Variants in INAFM1 observed in about 807,000 individuals in gnomAD.
The protein encoded by INAFM1 is InaF motif containing 1.
A neutral mutation model predicts 9.4 loss-of-function variants in INAFM1; 11 were observed. The ratio of observed to expected loss-of-function variants is 1.17; its 90% CI spans 0.74 to 1.94. The LOEUF is 1.94. Ranked by LOEUF, INAFM1 falls within the 30% of genes most tolerant of loss-of-function variation. INAFM1 has a pLI of 0.00. For missense variants in INAFM1, 318 were observed against 221.6 expected (o/e 1.44, Z -2.76); for synonymous variants, 161 against 109.5 (o/e 1.47, Z -2.94).
chr19:47,274,821 G>C, upstream of INAFM1: 1 of 854,290 alleles, frequency 1.2e-6, no homozygotes, highest in Non-Finnish European at 1.5e-6. Context: ...GGCCGGAGGC[G>C]GGCGGTTTAG....
At chr19:47,274,436 G>A (rs2059143368), upstream of INAFM1, 2 of 152,894 alleles carry the variant, frequency 1.3e-5, no homozygotes, top group African/African-American at 4.8e-5. Flanking sequence ...TCCGGAACTA[G>A]AGTGTGGGAG....
chr19:47,274,891 T>G lies in INAFM1; in HGVS notation c.-29T>G, dbSNP rs1297539303. On this transcript the variant is annotated 5_prime_UTR_variant, in exon 1 of 1. Coordinates refer to ENST00000552360, the MANE Select transcript of INAFM1 (RefSeq NM_178511.6). ...TGGTGGGGGCGGGGCCTGTGCGGTC[T>G]GCGGCGCGGAGCCGAGTGGGCTGCG... is the stretch of plus-strand genomic sequence containing the variant. The G allele has an allele frequency of 8.3e-7, 1 of 1,205,170 alleles. No individual in the cohort carries two copies. 74.7% of individuals were successfully genotyped at this position (1,205,170 alleles called of 1,614,324 possible).
Position 47,275,264 on chromosome 19 carries a change from C to G in INAFM1, c.345C>G (p.Arg115=). The change falls in exon 1 of 1, where the codon CGC becomes CGG. Residue 115 remains arginine, a synonymous_variant. Coordinates refer to ENST00000552360, the MANE Select transcript of INAFM1 (RefSeq NM_178511.6). ...TCCAGCTGCCGCTGAGCCGCCGCCG[C>G]CGCTACAGCGACCCTGACCGCCGTC... is the stretch of plus-strand genomic sequence containing the variant. ...PQLQLPLSRR[R]RYSDPDRRPS... is the part of the protein sequence containing the mutation. The G allele has an allele frequency of 6.5e-7, 1 of 1,542,546 alleles. No individual in the cohort carries two copies. The highest frequency in any genetic ancestry group is 1.9e-4 in the Middle Eastern group (1 of 5,136).
rs1182643063 is a variant in INAFM1, at chr19:47,275,139, C to T, written c.220C>T (p.Pro74Ser). ...CGGCCCACAGCCCAGCGCGCCGTCC[C>T]CTCCGTGTGCTGCCCGCCCGGGCGT... ...PAGPQPSAPS[P>S]PCAARPGVPP... is the part of the protein sequence containing the mutation. The change falls in exon 1 of 1, where the codon CCT (proline) becomes TCT (serine). Residue 74 changes from proline (P) to serine (S), a missense_variant. Pro to Ser is a moderately conservative substitution (Grantham distance 74, BLOSUM62 -1). Transcript: ENST00000552360. The T allele has an allele frequency of 3.4e-6, 5 of 1,488,708 alleles. No individual in the cohort carries two copies. The highest frequency in any genetic ancestry group is 2.5e-5 in the South Asian group (2 of 78,694). 92.2% of individuals were successfully genotyped at this position (1,488,708 alleles called of 1,614,324 possible).
rs569658456 is a variant in INAFM1, at chr19:47,275,632, C to A, written c.*284C>A. The A allele has an allele frequency of 4.2e-5, 20 of 477,942 alleles. No homozygotes were observed. The highest frequency in any genetic ancestry group is 3.9e-4 in the African/African-American group (19 of 48,558). 29.6% of individuals were successfully genotyped at this position (477,942 alleles called of 1,614,324 possible). A position where few individuals can be genotyped will look rare whatever the true frequency, so the allele number is the denominator to read the frequency against. On this transcript the variant is annotated 3_prime_UTR_variant, in exon 1 of 1. Transcript: ENST00000552360. ...GGGATGCTGAGCACAGAGCCCACAG[C>A]CCATCTGCCTCTTCACCTCCCTGAA... is the stretch of plus-strand genomic sequence containing the variant.
At position 47,275,385 on chromosome 19, in the gene INAFM1, G is replaced by A. The variant is rs1392560088; in HGVS notation, c.*37G>A. ...ACCCCAACCCGGATCGCCAGCCCTC[G>A]AGAGCTCTGTGCTCCACGCCGAGGA... On this transcript the variant is annotated 3_prime_UTR_variant, in exon 1 of 1. Transcript: ENST00000552360. 3 of 1,526,336 alleles carry A rather than the reference G, an allele frequency of 2.0e-6. No individual in the cohort carries two copies. The highest frequency in any genetic ancestry group is 2.6e-6 in the Non-Finnish European group (3 of 1,135,860). 94.5% of individuals were successfully genotyped at this position (1,526,336 alleles called of 1,614,324 possible).
chr19:47,275,178 G>GCGCCCGC lies in INAFM1; in HGVS notation c.263_269dup (p.Ala91ArgfsTer33). The GCGCCCGC allele has an allele frequency of 6.8e-7, 1 of 1,464,744 alleles. No homozygotes were observed. The highest frequency in any genetic ancestry group is 2.8e-5 in the East Asian group (1 of 35,104). The allele number at this position is 1,464,744 out of a possible 1,614,324, so 90.7% of individuals were successfully genotyped here. On this transcript the variant is annotated frameshift_variant, in exon 1 of 1. Transcript: ENST00000552360. LOFTEE classifies it high-confidence loss of function. ...CCGCCCGGGCGTGCCGCCTGTCCCG[G>GCGCCCGC]CGCCCGCCGCTGCCTCCCTCTCCTG...
upstream of INAFM1, chr19:47,274,584 G>A (rs925523933): frequency 6.3e-5 from 12 of 190,200 alleles, no homozygotes; most frequent in African/African-American, 2.7e-4. Flanking sequence ...GCTCCGAGGC[G>A]GGCTAGATGC....
chr19:47,275,114 C>T lies in INAFM1; in HGVS notation c.195C>T (p.Ala65=), dbSNP rs954662532. Residue 65 remains alanine (A), a synonymous_variant, in exon 1 of 1, where the codon GCC becomes GCT. Coordinates refer to ENST00000552360, the MANE Select transcript of INAFM1 (RefSeq NM_178511.6). The part of the protein sequence containing the change: ...WVPTRSPAAP[A]GPQPSAPSPP... ...CCACGCGGTCTCCCGCGGCACCCGC[C>T]GGCCCACAGCCCAGCGCGCCGTCCC... The T allele has an allele frequency of 4.6e-5, 69 of 1,492,630 alleles. No individual in the cohort carries two copies. The highest frequency in any genetic ancestry group is 8.6e-5 in the East Asian group (3 of 34,920). The allele number at this position is 1,492,630 out of a possible 1,614,324, so 92.5% of individuals were successfully genotyped here.
Position 47,275,263 on chromosome 19 carries a change from G to T in INAFM1, c.344G>T (p.Arg115Leu). The T allele has an allele frequency of 6.5e-7, 1 of 1,540,132 alleles. No individual in the cohort carries two copies. Among genetic ancestry groups the T allele is most frequent in the Non-Finnish European group, 8.7e-7 (1 of 1,142,934 alleles). Residue 115 changes from arginine to leucine, a missense_variant, in exon 1 of 1, where the codon CGC becomes CTC. Arg to Leu is a moderately radical substitution (Grantham distance 102). Transcript: ENST00000552360. ...CTCCAGCTGCCGCTGAGCCGCCGCCGCCGCTACAGCGACCCTGACCGCCGT... is the reference window on the plus strand; with the variant it reads ...CTCCAGCTGCCGCTGAGCCGCCGCCTCCGCTACAGCGACCCTGACCGCCGT... ...PQLQLPLSRR[R>L]RYSDPDRRPS...
At position 47,274,904 on chromosome 19, in the gene INAFM1, C is replaced by G; in HGVS notation, c.-16C>G. ...GCCTGTGCGGTCTGCGGCGCGGAGC[C>G]GAGTGGGCTGCGGGGATGCGGGGGA... On this transcript the variant is annotated 5_prime_UTR_variant, in exon 1 of 1. Transcript: ENST00000552360. 3 of 1,266,482 alleles carry G rather than the reference C, an allele frequency of 2.4e-6. No homozygotes were observed. Among genetic ancestry groups the G allele is most frequent in the Middle Eastern group, 3.1e-4 (1 of 3,254 alleles). The allele number at this position is 1,266,482 out of a possible 1,614,324, so 78.5% of individuals were successfully genotyped here. A position where few individuals can be genotyped will look rare whatever the true frequency, so the allele number is the denominator to read the frequency against.
chr19:47,275,025 T>C lies in INAFM1; in HGVS notation c.106T>C (p.Tyr36His), dbSNP rs1234831801. ...RWLRLAPVCA[Y>H]FLCVSLAAVL... is the part of the protein sequence containing the mutation. ...GCTGCGCTTGGCTCCGGTATGCGCC[T>C]ACTTCCTCTGCGTCTCGCTAGCTGC... The change falls in exon 1 of 1, where the codon TAC (tyrosine) becomes CAC (histidine). Residue 36 changes from tyrosine (Y) to histidine (H), a missense_variant. Physicochemically the swap from Tyr to His is moderately conservative, Grantham distance 83. Coordinates refer to ENST00000552360, the MANE Select transcript of INAFM1 (RefSeq NM_178511.6). 3.4e-6 allele frequency: 5 copies of C among 1,487,822 alleles called. 1 individual carries two copies. In the East Asian group the frequency reaches 1.5e-4, roughly 43 times the overall value. The allele number at this position is 1,487,822 out of a possible 1,614,324, so 92.2% of individuals were successfully genotyped here.
In INAFM1 at chr19:47,275,273, C is replaced by T. The variant is rs1416131994; in HGVS notation, c.354C>T (p.Ser118=). ...CGCTGAGCCGCCGCCGCCGCTACAG[C>T]GACCCTGACCGCCGTCCGAGCCGCC... ...QLPLSRRRRY[S]DPDRRPSRQT... Residue 118 remains serine (S), a synonymous_variant, in exon 1 of 1, where the codon AGC becomes AGT. Transcript: ENST00000552360. The T allele has an allele frequency of 1.9e-6, 3 of 1,544,042 alleles. No individual in the cohort carries two copies. The East Asian group carries it at 7.5e-5, about 39-fold the overall frequency.
rs1490513683 is a variant in INAFM1 at position 47,275,500 on chromosome 19, G to T, written c.*152G>T. ...CATCCCGCGGAATGGGGGCCCAGGGGGTGTCAGCTCGGGGCCTTGCCTCTT... is the reference window on the plus strand; with the variant it reads ...CATCCCGCGGAATGGGGGCCCAGGGTGTGTCAGCTCGGGGCCTTGCCTCTT... On this transcript the variant is annotated 3_prime_UTR_variant, in exon 1 of 1. Transcript: ENST00000552360. 2 of 1,139,560 alleles carry T rather than the reference G, an allele frequency of 1.8e-6. No homozygotes were observed. The highest frequency in any genetic ancestry group is 3.1e-5 in the East Asian group (1 of 32,568). The allele number at this position is 1,139,560 out of a possible 1,614,324, so 70.6% of individuals were successfully genotyped here.
At chr19:47,274,672 A>T (rs1300716580), upstream of INAFM1, 127 of 186,426 alleles carry the variant, frequency 6.8e-4, no homozygotes, top group African/African-American at 5.1e-3. Context: ...TGGTGGGGCT[A>T]AGCGCGGGGG....
At position 47,275,319 on chromosome 19, in the gene INAFM1, G is replaced by A. The variant is rs1345821725; in HGVS notation, c.400G>A (p.Glu134Lys). Reference protein sequence around the residue: ...PSRQTPRETPEAAEGRRPG With the variant: ...PSRQTPRETPKAAEGRRPG ...CCGCCAGACACCCAGAGAGACGCCA[G>A]AGGCCGCGGAGGGGCGAAGACCCGG... is the stretch of plus-strand genomic sequence containing the variant. Residue 134 changes from glutamate (E) to lysine (K), a missense_variant, in exon 1 of 1, where the codon GAG becomes AAG. Coordinates refer to ENST00000552360, the MANE Select transcript of INAFM1 (RefSeq NM_178511.6). 2.6e-6 allele frequency: 4 copies of A among 1,546,192 alleles called. No individual in the cohort carries two copies. The highest frequency in any genetic ancestry group is 3.5e-6 in the Non-Finnish European group (4 of 1,145,078).
rs1178696996 is a variant in INAFM1, at chr19:47,275,051, C to G, written c.132C>G (p.Ala44=). The G allele has an allele frequency of 1.3e-6, 2 of 1,492,940 alleles. No homozygotes were observed. Among genetic ancestry groups the G allele is most frequent in the Non-Finnish European group, 1.8e-6 (2 of 1,125,276 alleles). The allele number at this position is 1,492,940 out of a possible 1,614,324, so 92.5% of individuals were successfully genotyped here. A position where few individuals can be genotyped will look rare whatever the true frequency, so the allele number is the denominator to read the frequency against. ...CAYFLCVSLA[A]VLLAVYYGLI... ...ACTTCCTCTGCGTCTCGCTAGCTGCCGTGCTGCTCGCCGTGTACTACGGTC... is the reference window on the plus strand; with the variant it reads ...ACTTCCTCTGCGTCTCGCTAGCTGCGGTGCTGCTCGCCGTGTACTACGGTC... The change falls in exon 1 of 1, where the codon GCC becomes GCG. Residue 44 remains alanine, a synonymous_variant. Transcript: ENST00000552360.
chr19:47,274,792 A>G (rs1303959071), upstream of INAFM1: 56 of 473,732 alleles, frequency 1.2e-4, 1 homozygote, highest in African/African-American at 3.6e-3. Flanking sequence ...TGGGGGCGTG[A>G]CCATGCTGGC....
chr19:47,275,222 C>G lies in INAFM1; in HGVS notation c.303C>G (p.Gly101=), dbSNP rs2123497941. Residue 101 remains glycine (G), a synonymous_variant, in exon 1 of 1, where the codon GGC becomes GGG. Transcript: ENST00000552360. ...TCTCCTGCCTCCTGGGAGTCCCCGG[C>G]GGGCCGCGACCCCAGCTCCAGCTGC... ...ASLSCLLGVP[G]GPRPQLQLPL... is the part of the protein sequence containing the mutation. 1 of 1,528,958 alleles carries G rather than the reference C, an allele frequency of 6.5e-7. No individual in the cohort carries two copies. The allele number at this position is 1,528,958 out of a possible 1,614,324, so 94.7% of individuals were successfully genotyped here.
Sources: gnomAD v4.1 joint callset for allele counts on GRCh38, gnomAD v4.1.1 for gene constraint, MANE v1.5 for transcripts, NCBI Gene and HGNC (gene_info 2026-07-23, HGNC 2026-07-21) for gene names.